RAMP3: variants seen among roughly 807,000 people sequenced by gnomAD.
The protein encoded by RAMP3 is receptor activity modifying protein 3, also known as receptor activity-modifying protein 3.
A neutral mutation model predicts 13.5 loss-of-function variants in RAMP3; 14 were observed. The ratio of observed to expected loss-of-function variants is 1.04; its 90% CI spans 0.69 to 1.63. RAMP3 has a LOEUF of 1.63. Ranked by LOEUF, RAMP3 falls within the 40% of genes most tolerant of loss-of-function variation. The pLI, the probability that RAMP3 is intolerant of heterozygous loss-of-function variation, is 0.00. For synonymous variants in RAMP3, 106 were observed against 88.3 expected (o/e 1.20, Z -1.12); for missense variants, 200 against 204.8 (o/e 0.98, Z 0.14).
At chr7:45,183,079 C>T (rs895306768) in intron 2 of RAMP3, 78 bp from the exon 3 acceptor site, 2 of 1,572,144 alleles carry the variant, frequency 1.3e-6, no homozygotes, top group Non-Finnish European at 1.7e-6. Context: ...CCACCCCACC[C>T]ATCTTCCTGG....
chr7:45,168,975 T>C (rs1000327216), intron 1 of RAMP3, among the ~76,000 whole-genome samples: 1 of 152,224 alleles, frequency 6.6e-6, no homozygotes, highest in Non-Finnish European at 1.5e-5. Context: ...TGAGTGTTTT[T>C]TAATCATGAA....
At chr7:45,174,371 A>G (rs942026560) in intron 1 of RAMP3, among the ~76,000 whole-genome samples, 1 of 152,106 alleles carries the variant, frequency 6.6e-6, no homozygotes, top group Non-Finnish European at 1.5e-5. Context: ...GCAAGCCCTC[A>G]TGTGTGCGGC....
At chr7:45,178,519 G>A in intron 2 of RAMP3, among the ~76,000 whole-genome samples, 1 of 152,262 alleles carries the variant, frequency 6.6e-6, no homozygotes, top group Non-Finnish European at 1.5e-5. Context: ...TGGCCCAGCA[G>A]ATGGGGGCTT....
intron 1 of RAMP3, among the ~76,000 whole-genome samples, chr7:45,167,558 C>CTT (rs373727786): frequency 5.0e-5 from 7 of 139,492 alleles, no homozygotes; most frequent in East Asian, 4.3e-4. Context: ...CAACTTTGTT[C>CTT]TTTTTTTTTT....
chr7:45,157,866 C>A lies in RAMP3; in HGVS notation c.38C>A (p.Pro13Gln). The A allele has an allele frequency of 7.1e-7, 1 of 1,411,306 alleles. No individual in the cohort carries two copies. Among genetic ancestry groups the A allele is most frequent in the Non-Finnish European group, 9.2e-7 (1 of 1,091,850 alleles). The allele number at this position is 1,411,306 out of a possible 1,614,324, so 87.4% of individuals were successfully genotyped here. A position where few individuals can be genotyped will look rare whatever the true frequency, so the allele number is the denominator to read the frequency against. ...GCGCTGCGGCGCCCGCAACTTCTCC[C>A]GTTGCTGCTGCTGCTCTGCGGTAAG... ...TGALRRPQLL[P>Q]LLLLLCGGCP... Residue 13 changes from proline (P) to glutamine (Q), a missense_variant, in exon 1 of 3, where the codon CCG becomes CAG. Physicochemically the swap from Pro to Gln is moderately conservative, Grantham distance 76. Coordinates refer to ENST00000242249, the MANE Select transcript of RAMP3 (RefSeq NM_005856.3).
At chr7:45,162,384 G>A (rs1785882392) in intron 1 of RAMP3, among the ~76,000 whole-genome samples, 1 of 152,216 alleles carries the variant, frequency 6.6e-6, no homozygotes, top group South Asian at 2.1e-4. Context: ...CCAGGGCTAA[G>A]TGGGGCCACT....
chr7:45,182,320 A>G (rs1341875724), intron 2 of RAMP3, among the ~76,000 whole-genome samples: 2 of 152,280 alleles, frequency 1.3e-5, no homozygotes, highest in Middle Eastern at 3.4e-3. Flanking sequence ...AACATCCTGA[A>G]TGAGTGGCTG....
At chr7:45,174,369 T>G (rs972526280) in intron 1 of RAMP3, among the ~76,000 whole-genome samples, 4 of 152,148 alleles carry the variant, frequency 2.6e-5, no homozygotes, top group Non-Finnish European at 5.9e-5. Flanking sequence ...CAGCAAGCCC[T>G]CATGTGTGCG....
chr7:45,176,581 C>T (rs906641418), intron 1 of RAMP3, among the ~76,000 whole-genome samples: 9 of 152,058 alleles, frequency 5.9e-5, no homozygotes. Context: ...ACCGTGGAGA[C>T]AGGCCCTGAA....
intron 2 of RAMP3, among the ~76,000 whole-genome samples, chr7:45,177,708 G>A (rs961402682): frequency 1.3e-5 from 2 of 151,762 alleles, no homozygotes; most frequent in East Asian, 1.9e-4. Flanking sequence ...CGCCCATGCC[G>A]TGCCCCTGCC....
intron 1 of RAMP3, among the ~76,000 whole-genome samples, chr7:45,173,604 G>A (rs545929621): frequency 1.3e-5 from 2 of 152,182 alleles, no homozygotes; most frequent in Non-Finnish European, 2.9e-5. Flanking sequence ...TGGTTTTTAC[G>A]TCCAAGTTTC....
At chr7:45,163,192 G>A in intron 1 of RAMP3, 2 of 985,432 alleles carry the variant, frequency 2.0e-6, no homozygotes, top group Non-Finnish European at 2.4e-6. Context: ...TTGTGCAGTT[G>A]ACTCTGCTGG....
At chr7:45,177,276 G>C in intron 1 of RAMP3, 33 bp from the exon 2 acceptor site, 1 of 1,613,584 alleles carries the variant, frequency 6.2e-7, no homozygotes, top group South Asian at 1.1e-5. Context: ...AGTGTGAACT[G>C]TAGTGGAATT....
intron 1 of RAMP3, among the ~76,000 whole-genome samples, chr7:45,176,766 A>G (rs1188344278): frequency 2.6e-5 from 4 of 152,238 alleles, no homozygotes; most frequent in Non-Finnish European, 4.4e-5. Flanking sequence ...CAAAGGACTC[A>G]TTCCCATTGC....
intron 2 of RAMP3, 129 bp from the exon 3 acceptor site, chr7:45,183,028 G>A: frequency 7.7e-7 from 1 of 1,304,242 alleles, no homozygotes; most frequent in South Asian, 1.4e-5. Flanking sequence ...ATTTTCCAAG[G>A]CTGGGCTGTG....
At chr7:45,175,032 A>G (rs1786152643) in intron 1 of RAMP3, among the ~76,000 whole-genome samples, 2 of 152,178 alleles carry the variant, frequency 1.3e-5, no homozygotes, top group South Asian at 2.1e-4. Flanking sequence ...CAGGGATGGG[A>G]CAGACACAGA....
intron 2 of RAMP3, among the ~76,000 whole-genome samples, chr7:45,181,350 A>G (rs1369741860): frequency 6.6e-6 from 1 of 152,200 alleles, no homozygotes; most frequent in Non-Finnish European, 1.5e-5. Context: ...GGGTTTGGGA[A>G]CAGCAGGGGC....
intron 1 of RAMP3, among the ~76,000 whole-genome samples, chr7:45,164,615 C>T (rs1283967866): frequency 6.6e-6 from 1 of 151,942 alleles, no homozygotes; most frequent in African/African-American, 2.4e-5. Flanking sequence ...CTGTTTTTGC[C>T]TTGTGTGTTT....
chr7:45,166,571 A>G (rs969313169), intron 1 of RAMP3, among the ~76,000 whole-genome samples: 1 of 152,082 alleles, frequency 6.6e-6, no homozygotes, highest in Admixed American at 6.5e-5. Context: ...CTTTTATCAG[A>G]TATACAACTT....
Sources: allele counts gnomAD v4.1 joint callset (sites outside exome capture counted in the v4.1 genomes callset), GRCh38; gene constraint gnomAD v4.1.1; transcripts MANE v1.5; gene names NCBI Gene and HGNC (gene_info 2026-07-23, HGNC 2026-07-21).